GRM7: variants seen among roughly 807,000 people sequenced by gnomAD.
The protein encoded by GRM7 is metabotropic glutamate receptor 7.
A neutral mutation model predicts 84.5 loss-of-function variants in GRM7; 35 were observed. That is an observed-to-expected ratio of 0.41 (90% CI 0.32 to 0.55). The LOEUF is 0.55. Ranked by LOEUF, GRM7 falls within the 20% of genes least tolerant of loss-of-function variation. The pLI is 0.19. For synonymous variants in GRM7, 487 were observed against 455.1 expected (o/e 1.07, Z -0.89); for missense variants, 1,003 against 1,194.6 (o/e 0.84, Z 2.36).
intron 1 of GRM7, among the ~76,000 whole-genome samples, chr3:6,866,289 G>T (rs1694934910): frequency 6.6e-6 from 1 of 150,862 alleles, no homozygotes. Context: ...AACTGGCTAA[G>T]TTACCCTAAA....
At chr3:6,972,704 G>A (rs746488765) in intron 1 of GRM7, among the ~76,000 whole-genome samples, 28 of 152,194 alleles carry the variant, frequency 1.8e-4, no homozygotes, top group Non-Finnish European at 3.4e-4. Context: ...AGAGCTCTGC[G>A]GTAAGGACGG....
chr3:7,566,560 TAGG>T (rs1694280627), intron 7 of GRM7, among the ~76,000 whole-genome samples: 2 of 152,092 alleles, frequency 1.3e-5, no homozygotes, highest in Admixed American at 6.6e-5. Flanking sequence ...TGAGAAGAAA[TAGG>T]AGGTCATTTG....
intron 4 of GRM7, among the ~76,000 whole-genome samples, chr3:7,373,429 C>A (rs781130739): frequency 4.6e-5 from 7 of 152,142 alleles, no homozygotes; most frequent in Non-Finnish European, 8.8e-5. Context: ...TTAGGCTAAG[C>A]TTTAATCCCC....
chr3:7,691,114 T>C (rs1383006438), intron 9 of GRM7: 1 of 461,956 alleles, frequency 2.2e-6, no homozygotes, highest in East Asian at 6.9e-5. Context: ...AAGGTAATCA[T>C]TATTTCTCTC....
rs139906263 is a variant in GRM7, at chr3:6,938,826, T to C, written c.519+76919T>C. 2.9e-3 allele frequency among the ~76,000 whole-genome samples: 434 copies of C among 152,272 alleles called. 2 individuals are homozygous for C. The highest frequency in any genetic ancestry group is 9.9e-3 in the African/African-American group (412 of 41,562). The stretch of plus-strand genomic sequence containing the variant: ...GGTAGACAGGTAGAAAATCATGAAG[T>C]TGTGTCTTATCAACAAGGGAAGGTC... On this transcript the variant is annotated intron_variant, in intron 1 of 9. Coordinates refer to ENST00000357716, the MANE Select transcript of GRM7 (RefSeq NM_000844.4).
chr3:7,689,782 T>G (rs1465301746), intron 9 of GRM7, among the ~76,000 whole-genome samples: 4 of 152,206 alleles, frequency 2.6e-5, no homozygotes, highest in Non-Finnish European at 5.9e-5. Flanking sequence ...GATTTTTTAC[T>G]GAGTATCCTT....
intron 5 of GRM7, among the ~76,000 whole-genome samples, chr3:7,447,648 G>C (rs1243895218): frequency 6.6e-6 from 1 of 151,874 alleles, no homozygotes; most frequent in Non-Finnish European, 1.5e-5. Context: ...GGCCGGGTGT[G>C]GTGTGGGGGA....
chr3:7,265,993 A>G (rs767305610), intron 2 of GRM7, among the ~76,000 whole-genome samples: 18 of 152,168 alleles, frequency 1.2e-4, no homozygotes, highest in Non-Finnish European at 2.5e-4. Context: ...TGCTGGGCAC[A>G]GGCAGTGTCT....
At chr3:7,040,377 A>G (rs1367446441) in intron 1 of GRM7, among the ~76,000 whole-genome samples, 2 of 151,606 alleles carry the variant, frequency 1.3e-5, no homozygotes. Context: ...ATCTCCACTC[A>G]CTGTAACCCC....
At chr3:7,131,765 G>A (rs1878162) in intron 1 of GRM7, among the ~76,000 whole-genome samples, 33,601 of 152,064 alleles carry the variant, frequency 0.22, 4,064 homozygotes, top group Middle Eastern at 0.32. Flanking sequence ...GATTACAGGC[G>A]TGAGCCACCG....
intron 1 of GRM7, among the ~76,000 whole-genome samples, chr3:6,890,651 A>C (rs1695895669): frequency 6.6e-6 from 1 of 152,160 alleles, no homozygotes; most frequent in South Asian, 2.1e-4. Context: ...TTTACTTCCA[A>C]GTATGTGGTC....
chr3:7,612,862 G>C (rs964867016), intron 8 of GRM7, among the ~76,000 whole-genome samples: 1 of 152,150 alleles, frequency 6.6e-6, no homozygotes, highest in Middle Eastern at 3.2e-3. Flanking sequence ...GGACCAATTA[G>C]ATTCAGTGAA....
At chr3:7,075,495 GAT>G (rs1491290060) in intron 1 of GRM7, among the ~76,000 whole-genome samples, 87 of 96,930 alleles carry the variant, frequency 9.0e-4, no homozygotes, top group Admixed American at 1.1e-3. Context: ...TTGCTTCTCA[GAT>G]GTGTGTGTGT....
chr3:7,649,993 G>C (rs1698850353), intron 8 of GRM7, among the ~76,000 whole-genome samples: 1 of 152,104 alleles, frequency 6.6e-6, no homozygotes, highest in Non-Finnish European at 1.5e-5. Flanking sequence ...TGGAAAATTT[G>C]AGGATTTAAT....
At chr3:7,674,846 G>T (rs1290667773) in intron 8 of GRM7, among the ~76,000 whole-genome samples, 1 of 152,132 alleles carries the variant, frequency 6.6e-6, no homozygotes, top group Non-Finnish European at 1.5e-5. Flanking sequence ...AGTTTGATCA[G>T]ATTTAAAAAG....
At chr3:7,308,761 C>G (rs1348462488) in intron 4 of GRM7, among the ~76,000 whole-genome samples, 4 of 152,212 alleles carry the variant, frequency 2.6e-5, no homozygotes, top group African/African-American at 9.6e-5. Context: ...AGGGCTTCAA[C>G]TGAGGTCCTC....
intron 4 of GRM7, among the ~76,000 whole-genome samples, chr3:7,316,639 G>A (rs1348981657): frequency 6.6e-6 from 1 of 152,162 alleles, no homozygotes; most frequent in Non-Finnish European, 1.5e-5. Context: ...AGCTGAGATG[G>A]AGAATACTAT....
chr3:7,282,600 CTT>C (rs1057356533), intron 2 of GRM7, among the ~76,000 whole-genome samples: 4 of 152,196 alleles, frequency 2.6e-5, no homozygotes, highest in African/African-American at 9.7e-5. Flanking sequence ...AGGTAACACA[CTT>C]ATAGATTCTG....
At chr3:7,301,183 A>C (rs552095555) in intron 3 of GRM7, among the ~76,000 whole-genome samples, 98 of 151,960 alleles carry the variant, frequency 6.4e-4, no homozygotes, top group African/African-American at 2.3e-3. Flanking sequence ...CTCGTTATCT[A>C]TCTGTCTAAC....
Sources: gnomAD v4.1 joint callset for allele counts (sites outside exome capture counted in the v4.1 genomes callset) on GRCh38, gnomAD v4.1.1 for gene constraint, MANE v1.5 for transcripts, NCBI Gene and HGNC (gene_info 2026-07-23, HGNC 2026-07-21) for gene names.